Variants in RPL13 observed in about 807,000 individuals in gnomAD.
The protein encoded by RPL13 is ribosomal protein L13, also known as large ribosomal subunit protein eL13.
In RPL13, 1 loss-of-function variant was observed where a neutral mutation model predicts 21.4. That is an observed-to-expected ratio of 0.05 (90% confidence interval 0.02 to 0.22). RPL13 has a LOEUF of 0.22. RPL13 is among the 10% of genes least tolerant of loss of function. The pLI is 1.00. For synonymous variants in RPL13, 143 were observed against 120.5 expected (o/e 1.19, Z -1.23); for missense variants, 289 against 303.0 (o/e 0.95, Z 0.34).
In RPL13 at chr16:89,562,352, G is replaced by C; in HGVS notation, c.438G>C (p.Leu146=). 1.9e-6 allele frequency: 3 copies of C among 1,613,226 alleles called. No homozygotes were observed. Among genetic ancestry groups the C allele is most frequent in the Non-Finnish European group, 1.7e-6 (2 of 1,179,914 alleles). The change falls in exon 5 of 6, where the codon CTG becomes CTC. Residue 146 remains leucine (L), a synonymous_variant. Transcript: ENST00000311528. ...ACCAACAGGCTGAAGAACTGAAACTGGCCACCCAGCTGACCGGACCGGTCA... is the reference window on the plus strand; with the variant it reads ...ACCAACAGGCTGAAGAACTGAAACTCGCCACCCAGCTGACCGGACCGGTCA... ...KGDSSAEELK[L]ATQLTGPVMP...
chr16:89,565,150 C>G (rs1324774765), downstream of RPL13: 1 of 152,336 alleles, frequency 6.6e-6, no homozygotes, highest in African/African-American at 2.4e-5. Flanking sequence ...TTTGCTTAAT[C>G]TATTAAGAGC....
chr16:89,561,453 C>T (rs767565928), intron 3 of RPL13, 85 bp downstream of exon 3: 1 of 1,611,968 alleles, frequency 6.2e-7, no homozygotes, highest in Non-Finnish European at 8.5e-7. Flanking sequence ...TCTCCGGAAT[C>T]GCTGTACGGC....
At chr16:89,565,934 C>T (rs2058785712), downstream of RPL13, 1 of 152,298 alleles carries the variant, frequency 6.6e-6, no homozygotes, top group Non-Finnish European at 1.5e-5. Context: ...ACCTGTGTGC[C>T]ACGAGCTTGT....
intron 2 of RPL13, 42 bp downstream of exon 2, chr16:89,561,105 C>T (rs2058740244): frequency 6.4e-7 from 1 of 1,563,666 alleles, no homozygotes; most frequent in Non-Finnish European, 8.6e-7. Flanking sequence ...CTCGTGCCCG[C>T]GGCTGCGCCT....
chr16:89,561,611 A>T lies in RPL13; in HGVS notation c.280A>T (p.Ile94Phe), dbSNP rs1446082981. 9 of 1,613,724 alleles carry T rather than the reference A, an allele frequency of 5.6e-6. No homozygotes were observed. In the East Asian group the frequency reaches 1.6e-4, roughly 28 times the overall value. ...CATTCACAAGAAGGTGGCCCGGACCATCGGCATTTCTGTGGATCCGAGGAG... is the reference window on the plus strand; with the variant it reads ...CATTCACAAGAAGGTGGCCCGGACCTTCGGCATTTCTGTGGATCCGAGGAG... ...AGIHKKVART[I>F]GISVDPRRRN... is the part of the protein sequence containing the mutation. Residue 94 changes from isoleucine to phenylalanine, a missense_variant, in exon 4 of 6, where the codon ATC (isoleucine) becomes TTC (phenylalanine). Physicochemically the swap from Ile to Phe is conservative, Grantham distance 21. Coordinates refer to ENST00000311528, the MANE Select transcript of RPL13 (RefSeq NM_000977.4).
downstream of RPL13, chr16:89,566,279 C>G (rs975694239): frequency 1.3e-5 from 2 of 150,946 alleles, no homozygotes; most frequent in Non-Finnish European, 1.5e-5. Context: ...AGGCGCTAGT[C>G]TCCTGCCCCG....
downstream of RPL13, chr16:89,565,502 G>A (rs1240401180): frequency 2.0e-5 from 3 of 152,180 alleles, no homozygotes; most frequent in African/African-American, 4.8e-5. Context: ...TCTGCTCCAA[G>A]AAAGACTCTG....
chr16:89,562,261 T>C, intron 4 of RPL13, 74 bp from the exon 5 acceptor site: 1 of 1,445,306 alleles, frequency 6.9e-7, no homozygotes, highest in South Asian at 1.2e-5. Flanking sequence ...CAGGGGAAAG[T>C]TTGGGGCCAG....
rs772288690 is a variant in RPL13 at position 89,561,086 on chromosome 16, C to A, written c.104+23C>A. 6 of 1,587,550 alleles carry A rather than the reference C, an allele frequency of 3.8e-6. No homozygotes were observed. The African/African-American group carries it at 8.3e-5, about 22-fold the overall frequency. On this transcript the variant is annotated intron_variant, in intron 2 of 5. Transcript: ENST00000311528. ...CAGGTGAGCCCTGCGCTCGGGGCTG[C>A]CCCTGGGGCTCGTGCCCGCGGCTGC...
chr16:89,566,274 CTAGTCTCCTGCCCCGGTGATCGGGGA>C (rs2058790132), downstream of RPL13: 1 of 150,852 alleles, frequency 6.6e-6, no homozygotes, highest in South Asian at 2.1e-4. Flanking sequence ...TCAGAAGGCG[CTAGTCTCCTGCCCCGGTGATCGGGGA>C]TAGTCTCAGG....
At chr16:89,562,254 G>A in intron 4 of RPL13, 81 bp from the exon 5 acceptor site, 1 of 1,357,350 alleles carries the variant, frequency 7.4e-7, no homozygotes, top group South Asian at 1.2e-5. Flanking sequence ...GAATCCCCAG[G>A]GGAAAGTTTG....
downstream of RPL13, chr16:89,564,695 T>TA (rs2058771032): frequency 6.6e-6 from 1 of 152,266 alleles, no homozygotes; most frequent in African/African-American, 2.4e-5. Flanking sequence ...AGCTTGAGCC[T>TA]AGGCTCGAAT....
upstream of RPL13, chr16:89,560,681 C>G (rs906258884): frequency 1.1e-5 from 4 of 374,862 alleles, no homozygotes; most frequent in Admixed American, 1.9e-4. Context: ...GGGGCCGCTT[C>G]CTTTCCGCTC....
chr16:89,562,081 G>C (rs1431739928), intron 4 of RPL13: 1 of 587,268 alleles, frequency 1.7e-6, no homozygotes, highest in Non-Finnish European at 3.0e-6. Context: ...TTAAATTAGG[G>C]AACAGTTTTC....
intron 3 of RPL13, 38 bp downstream of exon 3, chr16:89,561,406 G>A (rs1482213205): frequency 1.2e-6 from 2 of 1,612,192 alleles, no homozygotes. Flanking sequence ...GGAAGGCCCC[G>A]AAGTCCCCTC....
In RPL13 at chr16:89,561,296, C is replaced by T; in HGVS notation, c.174C>T (p.Ile58=). The change falls in exon 3 of 6, where the codon ATC becomes ATT. Residue 58 remains isoleucine, a synonymous_variant. Transcript: ENST00000311528. ...PRPASGPIRP[I]VRCPTVRYHT... ...CCGCGTCGGGTCCCATCCGGCCCAT[C>T]GTGCGCTGCCCCACGGTTCGGTACC... 6.4e-7 allele frequency: 1 copy of T among 1,573,562 alleles called. No individual in the cohort carries two copies. The highest frequency in any genetic ancestry group is 8.6e-7 in the Non-Finnish European group (1 of 1,164,792).
At chr16:89,562,646 C>T in intron 5 of RPL13, 1 of 572,368 alleles carries the variant, frequency 1.7e-6, no homozygotes, top group Non-Finnish European at 3.0e-6. Flanking sequence ...ATGCTGCTTA[C>T]ATTGGTTTTG....
chr16:89,561,404 C>T (rs367674578), intron 3 of RPL13, 36 bp downstream of exon 3: 28 of 1,612,066 alleles, frequency 1.7e-5, no homozygotes, highest in Non-Finnish European at 2.3e-5. Context: ...CAGGAAGGCC[C>T]CGAAGTCCCC....
In RPL13 at chr16:89,564,261, C is replaced by CAAAG. The variant is rs1567942821; in HGVS notation, c.*1220_*1221insAAGA. Reference sequence around the variant, plus strand: ...ATGCTGCTACCTCTGCTGCTGCACTCACAGCCACACTTGATACACGATGAC... The same window carrying CAAAG: ...ATGCTGCTACCTCTGCTGCTGCACTCAAAGACAGCCACACTTGATACACGATGAC... On this transcript the variant is annotated 3_prime_UTR_variant, in exon 6 of 6. Transcript: ENST00000311528. 6.6e-6 allele frequency: 1 copy of CAAAG among 152,252 alleles called. No homozygotes were observed. The highest frequency in any genetic ancestry group is 1.5e-5 in the Non-Finnish European group (1 of 68,048). 9.4% of individuals were successfully genotyped at this position (152,252 alleles called of 1,614,324 possible).
Sources: allele counts gnomAD v4.1 joint callset, GRCh38; gene constraint gnomAD v4.1.1; transcripts MANE v1.5; gene names NCBI Gene and HGNC (gene_info 2026-07-23, HGNC 2026-07-21).